The following NFKB1 variants were observed in gnomAD, a reference collection of about 807,000 sequenced individuals.
NFKB1 encodes nuclear factor kappa B subunit 1, also known as nuclear factor NF-kappa-B p105 subunit.
Under a neutral mutation model 105.1 loss-of-function variants are expected in NFKB1, and 9 were observed. The observed-to-expected ratio is 0.09, with a 90% CI of 0.05 to 0.15. NFKB1 has a LOEUF of 0.15. Among genes scored for constraint, NFKB1 ranks in the 10% least tolerant of loss-of-function variants. The probability of loss-of-function intolerance (pLI) is 1.00; values close to 1 mark genes in which losing one functional copy is unlikely to be tolerated. For missense variants in NFKB1, 830 were observed against 1,203.7 expected, an observed-to-expected ratio of 0.69 and a Z score of 4.59; for synonymous variants, 440 against 442.2, an observed-to-expected ratio of 1.00 and a Z score of 0.06.
chr4:102,596,757 G>T (rs1313131817), intron 14 of NFKB1, among the ~76,000 whole-genome samples: 2 of 151,960 alleles, frequency 1.3e-5, no homozygotes, highest in African/African-American at 4.8e-5. Flanking sequence ...CTTTGAAGAA[G>T]TAGGATTAGG....
intron 5 of NFKB1, among the ~76,000 whole-genome samples, chr4:102,553,379 A>G (rs1722760453): frequency 6.6e-6 from 1 of 152,196 alleles, no homozygotes; most frequent in African/African-American, 2.4e-5. Flanking sequence ...GTAAATTTGG[A>G]TATCACAGAG....
intron 6 of NFKB1, among the ~76,000 whole-genome samples, chr4:102,575,412 A>C (rs1403402813): frequency 6.6e-6 from 1 of 151,776 alleles, no homozygotes; most frequent in African/African-American, 2.4e-5. Context: ...TCCAGTTGTC[A>C]TGAAATCTCT....
At chr4:102,583,451 C>T (rs112201086) in intron 10 of NFKB1, among the ~76,000 whole-genome samples, 6 of 152,256 alleles carry the variant, frequency 3.9e-5, no homozygotes, top group Non-Finnish European at 7.4e-5. Flanking sequence ...TCTGTTAGAT[C>T]GTTTGCTCTG....
chr4:102,597,766 A>T, intron 15 of NFKB1, 105 bp downstream of exon 15: 3 of 1,324,446 alleles, frequency 2.3e-6, no homozygotes, highest in Non-Finnish European at 3.1e-6. Context: ...AAATATATTG[A>T]GTCCTCTAAC....
intron 16 of NFKB1, among the ~76,000 whole-genome samples, chr4:102,602,107 A>G (rs561552215): frequency 2.7e-4 from 41 of 152,304 alleles, no homozygotes; most frequent in African/African-American, 8.2e-4. Flanking sequence ...TATAGCAGTG[A>G]TGTGAATCAT....
chr4:102,525,309 C>A (rs913494439), intron 1 of NFKB1, among the ~76,000 whole-genome samples: 8 of 152,102 alleles, frequency 5.3e-5, no homozygotes, highest in Non-Finnish European at 1.0e-4. Context: ...AGTGGTAATT[C>A]CTAGATTATG....
At chr4:102,531,346 C>T (rs1418175173) in intron 3 of NFKB1, among the ~76,000 whole-genome samples, 1 of 152,106 alleles carries the variant, frequency 6.6e-6, no homozygotes, top group African/African-American at 2.4e-5. Flanking sequence ...TGTTGTTACA[C>T]CATCATTTTT....
chr4:102,600,879 TG>T lies in NFKB1; in HGVS notation c.1638-15del, dbSNP rs1429790097. 7.3e-7 allele frequency: 1 copy of T among 1,369,782 alleles called. No homozygotes were observed. The highest frequency in any genetic ancestry group is 1.8e-4 in the Middle Eastern group (1 of 5,590). The allele number at this position is 1,369,782 out of a possible 1,614,324, so 84.9% of individuals were successfully genotyped here. A position where few individuals can be genotyped will look rare whatever the true frequency, so the allele number is the denominator to read the frequency against. On this transcript the variant is annotated splice_polypyrimidine_tract_variant and intron_variant, in intron 15 of 23. Coordinates refer to ENST00000226574, the MANE Select transcript of NFKB1 (RefSeq NM_003998.4). ...TAACATTTTAGTTAATTATTGCCACTGTGTTTTCATTCCAGTGTCTTACACT... is the reference window on the plus strand; with the variant it reads ...TAACATTTTAGTTAATTATTGCCACTTGTTTTCATTCCAGTGTCTTACACT...
intron 1 of NFKB1, among the ~76,000 whole-genome samples, chr4:102,514,465 G>A (rs183126859): frequency 6.4e-4 from 97 of 152,166 alleles, no homozygotes; most frequent in African/African-American, 2.3e-3. Flanking sequence ...TGCCAGTTGC[G>A]GACACAGCAT....
At chr4:102,570,927 C>A (rs542394719) in intron 6 of NFKB1, among the ~76,000 whole-genome samples, 1 of 152,150 alleles carries the variant, frequency 6.6e-6, no homozygotes, top group East Asian at 1.9e-4. Context: ...TTTATAGATT[C>A]AATGCCATCC....
At chr4:102,550,593 G>C (rs1445484396) in intron 5 of NFKB1, among the ~76,000 whole-genome samples, 4 of 152,100 alleles carry the variant, frequency 2.6e-5, no homozygotes. Flanking sequence ...ATAGCAGCAT[G>C]CTTACTCATT....
Position 102,530,343 on chromosome 4 carries a change from T to C in NFKB1, c.118+429T>C, listed in dbSNP as rs528970576. ...ACAGAAATCATAAAAATCATCTCAT[T>C]AGAAAAATCATCTTTATAAAAGCTT... is the stretch of plus-strand genomic sequence containing the variant. On this transcript the variant is annotated intron_variant, in intron 3 of 23. Coordinates refer to ENST00000226574, the MANE Select transcript of NFKB1 (RefSeq NM_003998.4). 4.6e-5 allele frequency among the ~76,000 whole-genome samples: 7 copies of C among 152,226 alleles called. No individual in the cohort carries two copies. In the East Asian group the frequency reaches 1.4e-3, roughly 29 times the overall value.
chr4:102,593,288 C>A (rs1020760), intron 11 of NFKB1, 137 bp from the exon 12 acceptor site: 1 of 810,824 alleles, frequency 1.2e-6, no homozygotes, highest in Non-Finnish European at 1.9e-6. Context: ...TTGAAATTTA[C>A]CATCTCTTCC....
chr4:102,581,935 G>T (rs951532440), intron 9 of NFKB1, among the ~76,000 whole-genome samples: 2 of 152,174 alleles, frequency 1.3e-5, no homozygotes, highest in Non-Finnish European at 2.9e-5. Context: ...TCCATTCCTA[G>T]TATTTCTAAA....
intron 1 of NFKB1, among the ~76,000 whole-genome samples, chr4:102,507,701 C>G (rs1394867857): frequency 6.6e-6 from 1 of 152,154 alleles, no homozygotes; most frequent in Non-Finnish European, 1.5e-5. Flanking sequence ...TAAAGTTGAG[C>G]ATACCTCTAT....
At chr4:102,565,276 G>A (rs1169573577) in intron 5 of NFKB1, among the ~76,000 whole-genome samples, 1 of 152,106 alleles carries the variant, frequency 6.6e-6, no homozygotes, top group African/African-American at 2.4e-5. Context: ...GAGGTTAGAA[G>A]GTTTAGAAGC....
At chr4:102,615,308 G>A (rs1008977906) in intron 23 of NFKB1, among the ~76,000 whole-genome samples, 16 of 152,108 alleles carry the variant, frequency 1.1e-4, no homozygotes, top group Non-Finnish European at 1.8e-4. Context: ...TCCACACTGC[G>A]CCTCCATTCC....
intron 11 of NFKB1, among the ~76,000 whole-genome samples, chr4:102,588,976 G>A (rs1451077519): frequency 6.6e-6 from 1 of 152,114 alleles, no homozygotes; most frequent in East Asian, 1.9e-4. Flanking sequence ...AGACCGCAAG[G>A]ATAAATGATC....
At chr4:102,574,125 CTTTTTTTT>C (rs56977004) in intron 6 of NFKB1, among the ~76,000 whole-genome samples, 1 of 93,268 alleles carries the variant, frequency 1.1e-5, no homozygotes. Context: ...TCTTGGATTC[CTTTTTTTT>C]TTTTTTTTTT....
Sources: allele counts gnomAD v4.1 joint callset (sites outside exome capture counted in the v4.1 genomes callset), GRCh38; gene constraint gnomAD v4.1.1; transcripts MANE v1.5; gene names NCBI Gene and HGNC (gene_info 2026-07-23, HGNC 2026-07-21).